TMEFF1: variants seen among roughly 807,000 people sequenced by gnomAD.
TMEFF1 encodes the protein tomoregulin-1.
In TMEFF1, 20 loss-of-function variants were observed where a neutral mutation model predicts 47.5. The ratio of observed to expected loss-of-function variants is 0.42; its 90% CI spans 0.30 to 0.61. The LOEUF is 0.61. Among genes scored for constraint, TMEFF1 ranks in the 20% least tolerant of loss-of-function variants. The pLI is 0.19. For synonymous variants in TMEFF1, 162 were observed against 166.3 expected, an observed-to-expected ratio of 0.97 and a Z score of 0.20; for missense variants, 411 against 471.1, an observed-to-expected ratio of 0.87 and a Z score of 1.18.
At chr9:100,545,378 G>A (rs1405409860) in intron 5 of TMEFF1, among the ~76,000 whole-genome samples, 1 of 152,204 alleles carries the variant, frequency 6.6e-6, no homozygotes, top group African/African-American at 2.4e-5. Context: ...AAGGCTTGGG[G>A]CTTGTACCCT....
chr9:100,477,554 T>G (rs974507250), intron 1 of TMEFF1, among the ~76,000 whole-genome samples: 5 of 152,098 alleles, frequency 3.3e-5, no homozygotes, highest in African/African-American at 1.2e-4. Context: ...ATTTATCCAT[T>G]TTAGAATTTT....
chr9:100,513,330 G>C lies in TMEFF1; in HGVS notation c.460G>C (p.Gly154Arg). ...YSDNGSGSGE[G>R]EEEGSGAEVH... is the part of the protein sequence containing the mutation. ...AGATAATGGATCTGGATCTGGAGAAGGAGGTAAGTTTCAAGTACCTCTTAA... is the reference window on the plus strand; with the variant it reads ...AGATAATGGATCTGGATCTGGAGAACGAGGTAAGTTTCAAGTACCTCTTAA... Residue 154 changes from glycine to arginine, a missense_variant, in exon 4 of 10, where the codon GGA (glycine) becomes CGA (arginine). Transcript: ENST00000374879. 6.3e-7 allele frequency: 1 copy of C among 1,595,064 alleles called. No individual in the cohort carries two copies. The highest frequency in any genetic ancestry group is 8.5e-7 in the Non-Finnish European group (1 of 1,172,998).
intron 1 of TMEFF1, among the ~76,000 whole-genome samples, chr9:100,497,809 C>T (rs1194728220): frequency 6.6e-6 from 1 of 152,004 alleles, no homozygotes; most frequent in Non-Finnish European, 1.5e-5. Context: ...TACAGGAGTC[C>T]TTGCTCTTTT....
At chr9:100,504,207 A>G (rs1837816288) in intron 2 of TMEFF1, among the ~76,000 whole-genome samples, 1 of 152,252 alleles carries the variant, frequency 6.6e-6, no homozygotes, top group South Asian at 2.1e-4. Context: ...CCATCAGTGC[A>G]TAAGTCAGAA....
Position 100,495,919 on chromosome 9 carries a change from G to A in TMEFF1, c.197-2846G>A, listed in dbSNP as rs117607165. Among the ~76,000 whole-genome samples the A allele has an allele frequency of 1.7e-4, 26 of 152,238 alleles. No individual in the cohort carries two copies. The East Asian group carries it at 4.8e-3, about 28-fold the overall frequency. On this transcript the variant is annotated intron_variant, in intron 1 of 9. Coordinates refer to ENST00000374879, the MANE Select transcript of TMEFF1 (RefSeq NM_003692.5). Reference sequence around the variant, plus strand: ...CTGTTTGCTGCCTCTGCAGTTGCACGTTGGTACCTCCTGTCAGATATCAGA... The same window carrying A: ...CTGTTTGCTGCCTCTGCAGTTGCACATTGGTACCTCCTGTCAGATATCAGA...
chr9:100,533,486 C>G (rs1424400199), intron 5 of TMEFF1, among the ~76,000 whole-genome samples: 1 of 152,116 alleles, frequency 6.6e-6, no homozygotes, highest in Non-Finnish European at 1.5e-5. Context: ...TGTTTCATTA[C>G]TGATACTGCT....
intron 1 of TMEFF1, among the ~76,000 whole-genome samples, chr9:100,484,784 G>A (rs1419785830): frequency 1.3e-5 from 2 of 150,632 alleles, no homozygotes; most frequent in Non-Finnish European, 1.5e-5. Flanking sequence ...CCGCCTCCCC[G>A]GTTCAAGAGA....
chr9:100,571,223 T>G (rs1304458058), intron 8 of TMEFF1, among the ~76,000 whole-genome samples: 1 of 152,180 alleles, frequency 6.6e-6, no homozygotes, highest in Admixed American at 6.6e-5. Context: ...ATACCTATTT[T>G]TTCAATAGTC....
In TMEFF1 at chr9:100,561,441, C is replaced by T; in HGVS notation, c.820C>T (p.Pro274Ser). The change falls in exon 8 of 10, where the codon CCT (proline) becomes TCT (serine). Residue 274 changes from proline (P) to serine (S), a missense_variant. By Grantham distance (74) the Pro-to-Ser change is moderately conservative. Transcript: ENST00000374879. ...REDVYIGNHM[P>S]CPENLNGYCI... ...AGATGTTTATATTGGAAACCACATGCCTTGCCCTGAAAACCTCAATGGTTA... is the reference window on the plus strand; with the variant it reads ...AGATGTTTATATTGGAAACCACATGTCTTGCCCTGAAAACCTCAATGGTTA... The T allele has an allele frequency of 6.2e-7, 1 of 1,613,802 alleles. No homozygotes were observed.
At chr9:100,518,583 G>C in intron 5 of TMEFF1, 1 of 814,124 alleles carries the variant, frequency 1.2e-6, no homozygotes, top group African/African-American at 1.9e-5. Context: ...TACGAAGGAA[G>C]CAGTTGGTAT....
At chr9:100,570,298 T>G (rs1035102195) in intron 8 of TMEFF1, among the ~76,000 whole-genome samples, 2 of 152,224 alleles carry the variant, frequency 1.3e-5, no homozygotes, top group Non-Finnish European at 2.9e-5. Context: ...ATATACCCAG[T>G]AATGAGATTG....
chr9:100,514,588 T>C (rs2118379474), intron 4 of TMEFF1, among the ~76,000 whole-genome samples: 1 of 151,536 alleles, frequency 6.6e-6, no homozygotes, highest in African/African-American at 2.4e-5. Flanking sequence ...CAGTGGCTCA[T>C]GCCTAAAATC....
chr9:100,512,466 G>A (rs779978808), intron 3 of TMEFF1, among the ~76,000 whole-genome samples: 2 of 152,134 alleles, frequency 1.3e-5, no homozygotes, highest in African/African-American at 4.8e-5. Context: ...GCTAGCATGG[G>A]TTCTTTAGGA....
intron 5 of TMEFF1, 88 bp downstream of exon 5, chr9:100,516,859 C>T: frequency 6.8e-7 from 1 of 1,462,810 alleles, no homozygotes; most frequent in Non-Finnish European, 9.1e-7. Context: ...TTACCTGGTT[C>T]TGTATCTTTT....
chr9:100,568,595 T>TTTTCCTTCCTTC (rs141373733), intron 8 of TMEFF1, among the ~76,000 whole-genome samples: 5 of 149,512 alleles, frequency 3.3e-5, no homozygotes, highest in Non-Finnish European at 7.4e-5. Flanking sequence ...TCCCTCCCTC[T>TTTTCCTTCCTTC]CTTCCTTCCT....
intron 6 of TMEFF1, among the ~76,000 whole-genome samples, chr9:100,548,194 T>C (rs527893303): frequency 1.3e-4 from 20 of 152,260 alleles, no homozygotes; most frequent in African/African-American, 4.8e-4. Flanking sequence ...TTTGGAATGA[T>C]TATAGCTATT....
At chr9:100,548,620 C>G (rs1386690934) in intron 6 of TMEFF1, among the ~76,000 whole-genome samples, 1 of 152,170 alleles carries the variant, frequency 6.6e-6, no homozygotes, top group Non-Finnish European at 1.5e-5. Context: ...GATTGTATAT[C>G]TTTCTTGCTT....
intron 5 of TMEFF1, chr9:100,518,516 A>T: frequency 1.0e-6 from 1 of 985,432 alleles, no homozygotes; most frequent in Non-Finnish European, 1.2e-6. Flanking sequence ...TAAGGAGCAC[A>T]TAGACAGTGA....
chr9:100,478,314 TTTTGTTTG>T (rs370008102), intron 1 of TMEFF1, among the ~76,000 whole-genome samples: 16 of 152,252 alleles, frequency 1.1e-4, no homozygotes, highest in Admixed American at 2.6e-4. Flanking sequence ...AACAAGACTT[TTTTGTTTG>T]TTTGTTTGTT....
Sources: gnomAD v4.1 joint callset for allele counts (sites outside exome capture counted in the v4.1 genomes callset) on GRCh38, gnomAD v4.1.1 for gene constraint, MANE v1.5 for transcripts, NCBI Gene and HGNC (gene_info 2026-07-23, HGNC 2026-07-21) for gene names.